NPAS2: variants seen among roughly 807,000 people sequenced by gnomAD.
NPAS2 encodes neuronal PAS domain-containing protein 2.
NPAS2 carries 23 observed loss-of-function variants against 107.5 expected under a neutral mutation model. The observed-to-expected ratio is 0.21, with a 90% CI of 0.15 to 0.30. NPAS2 has a LOEUF of 0.30. Ranked by LOEUF, NPAS2 falls within the 10% of genes least tolerant of loss-of-function variation. The pLI, the probability that NPAS2 is intolerant of heterozygous loss-of-function variation, is 1.00. For missense variants in NPAS2, 756 were observed against 1,043.3 expected (o/e 0.72, Z 3.79); for synonymous variants, 403 against 417.5 (o/e 0.97, Z 0.42).
At chr2:100,912,329 C>T (rs1224869969) in intron 2 of NPAS2, among the ~76,000 whole-genome samples, 1 of 151,936 alleles carries the variant, frequency 6.6e-6, no homozygotes, top group Admixed American at 6.6e-5. Flanking sequence ...CAGTTCCTGT[C>T]CCATCCTATA....
chr2:100,823,545 A>G (rs1021551817), intron 1 of NPAS2: 10 of 152,298 alleles, frequency 6.6e-5, no homozygotes, highest in African/African-American at 2.4e-4. Flanking sequence ...GGCCCTTGTC[A>G]AACACAGATT....
At chr2:100,961,728 T>G (rs539908194) in intron 7 of NPAS2, among the ~76,000 whole-genome samples, 2 of 152,288 alleles carry the variant, frequency 1.3e-5, no homozygotes, top group East Asian at 1.9e-4. Context: ...CTTCACAATC[T>G]TTTTCTGTCC....
intron 19 of NPAS2, 124 bp from the exon 20 acceptor site, chr2:100,993,223 G>A (rs918280747): frequency 2.6e-4 from 226 of 879,730 alleles, no homozygotes; most frequent in Admixed American, 4.3e-4. Context: ...ATGAGCCACC[G>A]CGCCTGGCCA....
chr2:100,834,299 A>G (rs1340388139), intron 1 of NPAS2, among the ~76,000 whole-genome samples: 1 of 151,990 alleles, frequency 6.6e-6, no homozygotes, highest in Non-Finnish European at 1.5e-5. Flanking sequence ...CAGGCCAACT[A>G]CCCACTCTGC....
chr2:100,982,421 G>A (rs905749221), intron 16 of NPAS2, 44 bp downstream of exon 16: 1 of 1,602,706 alleles, frequency 6.2e-7, no homozygotes, highest in Non-Finnish European at 8.5e-7. Context: ...CTGCTGTGTG[G>A]GAAGGGGTCC....
chr2:100,995,106 G>T, intron 20 of NPAS2: 1 of 395,396 alleles, frequency 2.5e-6, no homozygotes, highest in East Asian at 3.8e-5. Context: ...TCATGTGCAC[G>T]TGTTTACGAA....
At chr2:100,936,598 G>A (rs543418874) in intron 4 of NPAS2, among the ~76,000 whole-genome samples, 8 of 152,204 alleles carry the variant, frequency 5.3e-5, no homozygotes, top group East Asian at 1.9e-4. Context: ...GAATTATGTC[G>A]TCTTTATTTT....
intron 1 of NPAS2, among the ~76,000 whole-genome samples, chr2:100,843,927 C>T (rs546670117): frequency 6.6e-6 from 1 of 152,250 alleles, no homozygotes; most frequent in Non-Finnish European, 1.5e-5. Context: ...TTCCAGCACC[C>T]ATGTCCTCCG....
At chr2:100,994,636 G>A (rs529103432) in intron 20 of NPAS2, 1 of 152,650 alleles carries the variant, frequency 6.6e-6, no homozygotes, top group African/African-American at 2.4e-5. Flanking sequence ...GGAGTGCTGT[G>A]GTGGGGAAGC....
intron 1 of NPAS2, among the ~76,000 whole-genome samples, chr2:100,883,627 A>G (rs4081946): frequency 0.75 from 114,725 of 151,986 alleles, 43,630 homozygotes; most frequent in African/African-American, 0.84. Context: ...CAGTCTCCAT[A>G]GGTTCTTAGC....
chr2:100,933,816 A>G (rs1684137346), intron 4 of NPAS2, among the ~76,000 whole-genome samples: 1 of 152,220 alleles, frequency 6.6e-6, no homozygotes, highest in African/African-American at 2.4e-5. Context: ...GCCCGCAACC[A>G]AGAGGAGGCA....
chr2:100,944,593 C>G (rs2105020329), intron 5 of NPAS2, among the ~76,000 whole-genome samples: 1 of 152,320 alleles, frequency 6.6e-6, no homozygotes, highest in East Asian at 1.9e-4. Context: ...ATGTAATTTT[C>G]TCACCTGTAA....
intron 7 of NPAS2, among the ~76,000 whole-genome samples, chr2:100,957,822 G>A (rs1280666724): frequency 6.6e-6 from 1 of 152,202 alleles, no homozygotes; most frequent in African/African-American, 2.4e-5. Flanking sequence ...CAGCTACTCG[G>A]GAGACTGAGG....
chr2:100,916,885 C>G (rs539974619), intron 2 of NPAS2, among the ~76,000 whole-genome samples: 66 of 152,248 alleles, frequency 4.3e-4, no homozygotes, highest in African/African-American at 1.5e-3. Flanking sequence ...AAAAATATCT[C>G]CACATCTTGG....
Position 100,964,092 on chromosome 2 carries a change from C to G in NPAS2, c.633C>G (p.Thr211=), listed in dbSNP as rs887531169. 1 of 1,614,048 alleles carries G rather than the reference C, an allele frequency of 6.2e-7. No homozygotes were observed. ...CCTCCTGTAATGGTTTTGACAACACCCTTTCAAGACCTTGCCGGGTGCCAC... is the reference window on the plus strand; with the variant it reads ...CCTCCTGTAATGGTTTTGACAACACGCTTTCAAGACCTTGCCGGGTGCCAC... ...PSPSCNGFDN[T]LSRPCRVPLG... Residue 211 remains threonine, a synonymous_variant, in exon 8 of 21, where the codon ACC becomes ACG. Transcript: ENST00000335681.
chr2:100,856,682 A>C (rs1678589040), intron 1 of NPAS2, among the ~76,000 whole-genome samples: 1 of 138,104 alleles, frequency 7.2e-6, no homozygotes, highest in Admixed American at 7.2e-5. Context: ...CTTCGGAAGC[A>C]ATGTAGAGAG....
At position 100,966,011 on chromosome 2, in the gene NPAS2, G is replaced by A. The variant is rs369849463; in HGVS notation, c.907+245G>A. Among the ~76,000 whole-genome samples, 280 of 152,180 alleles carry A rather than the reference G, an allele frequency of 1.8e-3. 2 individuals carry two copies. Among genetic ancestry groups the A allele is most frequent in the Non-Finnish European group, 3.7e-3 (249 of 68,002 alleles). On this transcript the variant is annotated intron_variant, in intron 10 of 20. Transcript: ENST00000335681. ...CCTTCCCACTGTCATCCAGATAGGC[G>A]CCCTGTTTAAACCTAATTAAGAAAT...
intron 3 of NPAS2, among the ~76,000 whole-genome samples, chr2:100,930,884 A>G (rs1405171691): frequency 2.0e-5 from 3 of 152,244 alleles, no homozygotes; most frequent in Admixed American, 2.0e-4. Flanking sequence ...CAGTTAGTCT[A>G]TAGTTTGATC....
rs573435337 is a variant in NPAS2 at position 100,820,866 on chromosome 2, C to T, written c.-23+452C>T. Among the ~76,000 whole-genome samples, 272 of 152,304 alleles carry T rather than the reference C, an allele frequency of 1.8e-3. No individual in the cohort carries two copies. Among genetic ancestry groups the T allele is most frequent in the African/African-American group, 6.1e-3 (252 of 41,582 alleles). On this transcript the variant is annotated intron_variant, in intron 1 of 20. Coordinates refer to ENST00000335681, the MANE Select transcript of NPAS2 (RefSeq NM_002518.4). The surrounding 1 kb of genome is among the most constrained non-coding windows in gnomAD (Gnocchi z 5.6). ...CCCCGGAGAGTGCGGCGTGCGCGCC[C>T]TGGGCCCGCGGTCTCTCGGAGTCCC... is the stretch of plus-strand genomic sequence containing the variant.
Sources: gnomAD v4.1 joint callset for allele counts (sites outside exome capture counted in the v4.1 genomes callset) on GRCh38, gnomAD v4.1.1 for gene constraint, Gnocchi (gnomAD v3.1) non-coding constraint, MANE v1.5 for transcripts, NCBI Gene and HGNC (gene_info 2026-07-23, HGNC 2026-07-21) for gene names.